The following FAM174B variants were observed in gnomAD, a reference collection of about 807,000 sequenced individuals.
The protein encoded by FAM174B is family with sequence similarity 174 member B.
In FAM174B, 12 loss-of-function variants were observed where a neutral mutation model predicts 10.9. The ratio of observed to expected loss-of-function variants is 1.10; its 90% CI spans 0.71 to 1.79. The LOEUF (loss-of-function observed/expected upper bound fraction) is 1.79. Among genes scored for constraint, FAM174B ranks in the 40% most tolerant of loss-of-function variants. FAM174B has a pLI of 0.00. For missense variants in FAM174B, 266 were observed against 233.3 expected, an observed-to-expected ratio of 1.14 and a Z score of -0.91; for synonymous variants, 132 against 115.8, an observed-to-expected ratio of 1.14 and a Z score of -0.90.
chr15:92,652,638 G>A (rs1567051488), intron 1 of FAM174B, among the ~76,000 whole-genome samples: 1 of 152,186 alleles, frequency 6.6e-6, no homozygotes, highest in Admixed American at 6.5e-5. Context: ...TTGGAGGCAC[G>A]AACCCCAGCT....
chr15:92,639,187 C>G (rs577564313), intron 1 of FAM174B: 1 of 152,246 alleles, frequency 6.6e-6, no homozygotes, highest in African/African-American at 2.4e-5. Context: ...CCCAACCCTA[C>G]GACTCGGCAT....
chr15:92,622,953 C>T (rs2050729311), intron 2 of FAM174B, among the ~76,000 whole-genome samples: 2 of 152,074 alleles, frequency 1.3e-5, no homozygotes. Context: ...GTCAGGAGTT[C>T]GAGACCAGCC....
chr15:92,623,153 T>A (rs1596293712), intron 2 of FAM174B, among the ~76,000 whole-genome samples: 2 of 148,524 alleles, frequency 1.3e-5, no homozygotes. Context: ...CAAGACTCCA[T>A]CTCAAAAAAA....
At chr15:92,646,648 T>G (rs1202561923) in intron 1 of FAM174B, among the ~76,000 whole-genome samples, 1 of 152,230 alleles carries the variant, frequency 6.6e-6, no homozygotes, top group Admixed American at 6.5e-5. Context: ...CCTCTAAGTC[T>G]GACAAGAAAC....
Position 92,617,909 on chromosome 15 carries a change from C to T in FAM174B, c.*1547G>A, listed in dbSNP as rs1596291359. The stretch of plus-strand genomic sequence containing the variant: ...AATACCATGCGTGCTGGGCCGGCTG[C>T]GCCACCCTCACCCAGGGCTTCCCAC... On this transcript the variant is annotated 3_prime_UTR_variant, in exon 3 of 3. Coordinates refer to ENST00000327355, the MANE Select transcript of FAM174B (RefSeq NM_207446.3). 5 of 410,612 alleles carry T rather than the reference C, an allele frequency of 1.2e-5. No homozygotes were observed. Among genetic ancestry groups the T allele is most frequent in the South Asian group, 1.5e-4 (2 of 13,056 alleles). 25.4% of individuals were successfully genotyped at this position (410,612 alleles called of 1,614,324 possible). A position where few individuals can be genotyped will look rare whatever the true frequency, so the allele number is the denominator to read the frequency against.
rs1371713088 is a variant in FAM174B, at chr15:92,655,707, T to A, written c.-48A>T. The A allele has an allele frequency of 8.2e-6, 10 of 1,225,756 alleles. No individual in the cohort carries two copies. The highest frequency in any genetic ancestry group is 1.0e-5 in the Non-Finnish European group (10 of 983,142). 75.9% of individuals were successfully genotyped at this position (1,225,756 alleles called of 1,614,324 possible). The stretch of plus-strand genomic sequence containing the variant: ...TCGGGCAGGGCGCGCGCGGCTGAGC[T>A]CCAGGATCCGCACCAGCACGGAGGC... On this transcript the variant is annotated 5_prime_UTR_variant, in exon 1 of 3. Transcript: ENST00000327355.
At chr15:92,649,527 T>C (rs74029166) in intron 1 of FAM174B, among the ~76,000 whole-genome samples, 1,579 of 152,330 alleles carry the variant, frequency 0.01, 26 homozygotes, top group African/African-American at 0.034. Flanking sequence ...AATAGGACAC[T>C]TGACTGCTTA....
At chr15:92,629,471 T>A (rs924100184) in intron 2 of FAM174B, among the ~76,000 whole-genome samples, 4 of 152,326 alleles carry the variant, frequency 2.6e-5, no homozygotes, top group Admixed American at 2.6e-4. Flanking sequence ...ACCCACGTCC[T>A]CAGCTACTGA....
chr15:92,644,124 C>G (rs2050910450), intron 1 of FAM174B, among the ~76,000 whole-genome samples: 1 of 152,126 alleles, frequency 6.6e-6, no homozygotes, highest in Admixed American at 6.5e-5. Flanking sequence ...AAATGAAGAA[C>G]ATGACTCAGA....
At chr15:92,649,795 C>T (rs770298099) in intron 1 of FAM174B, among the ~76,000 whole-genome samples, 12 of 152,226 alleles carry the variant, frequency 7.9e-5, no homozygotes, top group African/African-American at 1.9e-4. Flanking sequence ...CAAAATCCTT[C>T]GGCTTGCTCT....
At chr15:92,623,507 T>C (rs2050733268) in intron 2 of FAM174B, among the ~76,000 whole-genome samples, 1 of 152,200 alleles carries the variant, frequency 6.6e-6, no homozygotes, top group Non-Finnish European at 1.5e-5. Flanking sequence ...TGCCGCAGGA[T>C]GACACTGGGT....
chr15:92,654,543 C>T (rs1268699486), intron 1 of FAM174B, among the ~76,000 whole-genome samples: 1 of 152,202 alleles, frequency 6.6e-6, no homozygotes, highest in Non-Finnish European at 1.5e-5. Context: ...TATCCCTGAA[C>T]GTGAGCAACC....
In FAM174B at chr15:92,618,744, GCACACA is replaced by G. The variant is rs10557124; in HGVS notation, c.*706_*711del. ...CACACACGTGCACACGCACACACGT[GCACACA>G]CACACACACACACACGCACAGTTTT... On this transcript the variant is annotated 3_prime_UTR_variant, in exon 3 of 3. Coordinates refer to ENST00000327355, the MANE Select transcript of FAM174B (RefSeq NM_207446.3). 5.4e-4 allele frequency: 82 copies of G among 150,648 alleles called. 1 individual carries two copies. Among genetic ancestry groups the G allele is most frequent in the Middle Eastern group, 3.7e-3 (1 of 272 alleles). The allele number at this position is 150,648 out of a possible 1,614,324, so 9.3% of individuals were successfully genotyped here. A position where few individuals can be genotyped will look rare whatever the true frequency, so the allele number is the denominator to read the frequency against.
At chr15:92,631,413 A>ATTATATTATATATT (rs2050814486) in intron 1 of FAM174B, among the ~76,000 whole-genome samples, 1 of 41,444 alleles carries the variant, frequency 2.4e-5, no homozygotes, top group Non-Finnish European at 4.0e-5. Context: ...TATTATATAT[A>ATTATATTATATATT]ATATATAATA....
At chr15:92,642,356 C>CAT in intron 1 of FAM174B, among the ~76,000 whole-genome samples, 1 of 152,304 alleles carries the variant, frequency 6.6e-6, no homozygotes, top group Admixed American at 6.5e-5. Context: ...CACAAAAACT[C>CAT]ATATACTTGT....
chr15:92,624,487 G>A (rs2050740396), intron 2 of FAM174B, among the ~76,000 whole-genome samples: 1 of 152,208 alleles, frequency 6.6e-6, no homozygotes, highest in Non-Finnish European at 1.5e-5. Flanking sequence ...GGGCGTCCAT[G>A]GGGACTCAGA....
chr15:92,640,885 T>C (rs1372701687), intron 1 of FAM174B, among the ~76,000 whole-genome samples: 1 of 152,068 alleles, frequency 6.6e-6, no homozygotes, highest in Non-Finnish European at 1.5e-5. Flanking sequence ...CCTCAAGTGA[T>C]CCACCCGCCT....
chr15:92,649,857 C>A (rs1258725225), intron 1 of FAM174B, among the ~76,000 whole-genome samples: 1 of 152,228 alleles, frequency 6.6e-6, no homozygotes, highest in Admixed American at 6.5e-5. Flanking sequence ...ATTTGCTTAA[C>A]ACTTCTTCAC....
rs766117462 is a variant in FAM174B, at chr15:92,630,272, G to A, written c.418C>T (p.Pro140Ser). 1.2e-6 allele frequency: 2 copies of A among 1,613,738 alleles called. No homozygotes were observed. Among genetic ancestry groups the A allele is most frequent in the Middle Eastern group, 1.6e-4 (1 of 6,062 alleles). Residue 140 changes from proline (P) to serine (S), a missense_variant, in exon 2 of 3, where the codon CCA becomes TCA. Physicochemically the swap from Pro to Ser is moderately conservative, Grantham distance 74. Transcript: ENST00000327355. ...TCTTCATCATCCTCTTCATTTAGTG[G>A]CGCCATTTCCACTCGCTCTGCTGGA... ...TTPAERVEMA[P>S]LNEEDDEDED...
Sources: allele counts gnomAD v4.1 joint callset (sites outside exome capture counted in the v4.1 genomes callset), GRCh38; gene constraint gnomAD v4.1.1; transcripts MANE v1.5; gene names NCBI Gene and HGNC (gene_info 2026-07-23, HGNC 2026-07-21).